The following PLXNC1 variants were observed in gnomAD, a reference collection of about 807,000 sequenced individuals.
PLXNC1 encodes the protein plexin C1.
A neutral mutation model predicts 178.2 loss-of-function variants in PLXNC1; 75 were observed. The observed-to-expected ratio is 0.42, with a 90% CI of 0.35 to 0.51. The LOEUF (loss-of-function observed/expected upper bound fraction) is 0.51, where lower values mean the gene tolerates loss of function less well. Among genes scored for constraint, PLXNC1 ranks in the 20% least tolerant of loss-of-function variants. The probability of loss-of-function intolerance (pLI) is 0.02; values close to 1 mark genes in which losing one functional copy is unlikely to be tolerated. For synonymous variants in PLXNC1, 790 were observed against 779.9 expected (o/e 1.01, Z -0.22); for missense variants, 1,503 against 1,984.4 (o/e 0.76, Z 4.61).
intron 21 of PLXNC1, chr12:94,272,329 C>T (rs1302704803): frequency 6.6e-6 from 1 of 152,292 alleles, no homozygotes; most frequent in Non-Finnish European, 1.5e-5. Flanking sequence ...TTCTAAGTGT[C>T]TGCTCACCCC....
chr12:94,246,587 AGTTT>A (rs1964536299), intron 12 of PLXNC1, among the ~76,000 whole-genome samples: 1 of 152,168 alleles, frequency 6.6e-6, no homozygotes, highest in African/African-American at 2.4e-5. Flanking sequence ...GCATGGCGCG[AGTTT>A]GTCACGAGTA....
At chr12:94,166,744 T>G (rs1961627540) in intron 1 of PLXNC1, among the ~76,000 whole-genome samples, 1 of 151,924 alleles carries the variant, frequency 6.6e-6, no homozygotes, top group Non-Finnish European at 1.5e-5. Flanking sequence ...GAATGTTGAT[T>G]TAATGGCTGC....
At position 94,290,421 on chromosome 12, in the gene PLXNC1, A is replaced by G. The variant is rs540807804; in HGVS notation, c.3880-4065A>G. On this transcript the variant is annotated intron_variant, in intron 23 of 30. Coordinates refer to ENST00000258526, the MANE Select transcript of PLXNC1 (RefSeq NM_005761.3). ...GGAAAAGGAGAGGATGCTCGTTAAT[A>G]GGAGCAGAGTCGAAGAGCTCAGTAA... Among the ~76,000 whole-genome samples, 3 of 152,386 alleles carry G rather than the reference A, an allele frequency of 2.0e-5. No individual in the cohort carries two copies. In the South Asian group the frequency reaches 6.2e-4, roughly 32 times the overall value.
intron 21 of PLXNC1, chr12:94,277,901 T>C (rs1966098232): frequency 2.2e-6 from 1 of 455,566 alleles, no homozygotes; most frequent in South Asian, 1.6e-5. Flanking sequence ...CATTTTTAAG[T>C]TGAGGTAGGC....
intron 9 of PLXNC1, among the ~76,000 whole-genome samples, chr12:94,228,725 G>A (rs7968133): frequency 0.33 from 50,087 of 151,988 alleles, 8,437 homozygotes; most frequent in East Asian, 0.42. Flanking sequence ...GGTCGCATGG[G>A]TCAGAATTCC....
In PLXNC1 at chr12:94,240,569, C is replaced by T. The variant is rs190986452; in HGVS notation, c.2205C>T (p.Ile735=). 1.2e-4 allele frequency: 190 copies of T among 1,613,744 alleles called. 1 individual carries two copies. The highest frequency in any genetic ancestry group is 1.1e-3 in the Admixed American group (69 of 60,016). ...SSRKEMKDVC[I]QFDGGNCSSV... The stretch of plus-strand genomic sequence containing the variant: ...GGAAAGAAATGAAGGATGTGTGTAT[C>T]CAGTTTGATGGTGGGAACTGCTCTT... Residue 735 remains isoleucine (I), a synonymous_variant, in exon 11 of 31, where the codon ATC becomes ATT. Coordinates refer to ENST00000258526, the MANE Select transcript of PLXNC1 (RefSeq NM_005761.3).
intron 21 of PLXNC1, chr12:94,278,230 A>G: frequency 2.8e-6 from 1 of 359,044 alleles, no homozygotes; most frequent in Non-Finnish European, 5.6e-6. Flanking sequence ...ATAATTGTGC[A>G]TTTCACACCA....
intron 2 of PLXNC1, among the ~76,000 whole-genome samples, chr12:94,176,893 A>G (rs956063119): frequency 6.6e-6 from 1 of 151,838 alleles, no homozygotes; most frequent in Non-Finnish European, 1.5e-5. Context: ...AACTTTAAAT[A>G]TAACACAAAG....
chr12:94,297,270 G>T, intron 25 of PLXNC1, 46 bp from the exon 26 acceptor site: 1 of 1,613,174 alleles, frequency 6.2e-7, no homozygotes, highest in African/African-American at 1.3e-5. Context: ...GCCTTCTGTA[G>T]CAAGAGTGGT....
In PLXNC1 at chr12:94,248,868, C is replaced by A. The variant is rs941034812; in HGVS notation, c.2778+456C>A. Among the ~76,000 whole-genome samples, 5 of 152,142 alleles carry A rather than the reference C, an allele frequency of 3.3e-5. No individual in the cohort carries two copies. The East Asian group carries it at 9.6e-4, about 29-fold the overall frequency. ...TAATCTCTGGGTCATGGGCTGCTTC[C>A]TTCACCATGAAGTCATACTTTCTGC... is the stretch of plus-strand genomic sequence containing the variant. On this transcript the variant is annotated intron_variant, in intron 14 of 30. Coordinates refer to ENST00000258526, the MANE Select transcript of PLXNC1 (RefSeq NM_005761.3).
intron 20 of PLXNC1, among the ~76,000 whole-genome samples, chr12:94,264,065 C>T (rs1057399620): frequency 4.6e-5 from 7 of 152,082 alleles, no homozygotes; most frequent in African/African-American, 1.4e-4. Flanking sequence ...GGCCTTTCGT[C>T]ATCACTAAGG....
Position 94,175,537 on chromosome 12 carries a change from A to G in PLXNC1, c.1204-5909A>G, listed in dbSNP as rs1962019871. ...TTTCAGCAGTGTAGTTGGGAGTTTT[A>G]TATGCAACAAAAATCCCAAGGCTCG... On this transcript the variant is annotated intron_variant, in intron 2 of 30. Transcript: ENST00000258526. Among the ~76,000 whole-genome samples, 4 of 152,300 alleles carry G rather than the reference A, an allele frequency of 2.6e-5. 1 individual carries two copies. In the Middle Eastern group the frequency reaches 0.014, roughly 518 times the overall value.
At chr12:94,177,199 ACG>A (rs1491135696) in intron 2 of PLXNC1, among the ~76,000 whole-genome samples, 329 of 25,944 alleles carry the variant, frequency 0.013, 2 homozygotes, top group African/African-American at 0.057. Flanking sequence ...ATATATATAT[ACG>A]TATATATATA....
At chr12:94,189,240 C>T (rs1962632747) in intron 4 of PLXNC1, among the ~76,000 whole-genome samples, 2 of 152,034 alleles carry the variant, frequency 1.3e-5, no homozygotes, top group Admixed American at 1.3e-4. Context: ...GCTGAGGGAG[C>T]ATGTAAGGAA....
At chr12:94,182,586 G>T (rs1028341777) in intron 3 of PLXNC1, among the ~76,000 whole-genome samples, 1 of 151,574 alleles carries the variant, frequency 6.6e-6, no homozygotes, top group Non-Finnish European at 1.5e-5. Context: ...TTAGCTGGGC[G>T]TGGTGGTGCA....
At chr12:94,264,991 C>T (rs1421574069) in intron 20 of PLXNC1, 88 bp from the exon 21 acceptor site, 2 of 1,322,216 alleles carry the variant, frequency 1.5e-6, no homozygotes, top group Non-Finnish European at 1.1e-6. Flanking sequence ...TGTCTCCTGC[C>T]TTACTGCTGT....
chr12:94,165,700 A>T (rs1409997388), intron 1 of PLXNC1, among the ~76,000 whole-genome samples: 4 of 151,950 alleles, frequency 2.6e-5, no homozygotes, highest in Non-Finnish European at 5.9e-5. Flanking sequence ...TTGTTAACTT[A>T]GTAAAATGTT....
chr12:94,251,059 A>G (rs541070690), intron 14 of PLXNC1, among the ~76,000 whole-genome samples: 1 of 151,164 alleles, frequency 6.6e-6, no homozygotes, highest in Non-Finnish European at 1.5e-5. Context: ...TAAAAATGAT[A>G]AAAATTGAGT....
At chr12:94,300,598 G>GA in intron 27 of PLXNC1, among the ~76,000 whole-genome samples, 1 of 152,182 alleles carries the variant, frequency 6.6e-6, no homozygotes, top group East Asian at 1.9e-4. Context: ...AGTTATGTGA[G>GA]AACAAACTGT....
Sources: gnomAD v4.1 joint callset for allele counts (sites outside exome capture counted in the v4.1 genomes callset) on GRCh38, gnomAD v4.1.1 for gene constraint, MANE v1.5 for transcripts, NCBI Gene and HGNC (gene_info 2026-07-23, HGNC 2026-07-21) for gene names.